ST3GAL3: variants seen among roughly 807,000 people sequenced by gnomAD.
The protein encoded by ST3GAL3 is CMP-N-acetylneuraminate-beta-1,4-galactoside alpha-2,3-sialyltransferase.
A neutral mutation model predicts 50.1 loss-of-function variants in ST3GAL3; 21 were observed. The observed-to-expected ratio is 0.42, with a 90% confidence interval of 0.30 to 0.60. The LOEUF (loss-of-function observed/expected upper bound fraction) is 0.60. Ranked by LOEUF, ST3GAL3 falls within the 20% of genes least tolerant of loss-of-function variation. ST3GAL3 has a pLI of 0.19. For synonymous variants in ST3GAL3, 183 were observed against 190.0 expected, an observed-to-expected ratio of 0.96 and a Z score of 0.30; for missense variants, 353 against 489.4, an observed-to-expected ratio of 0.72 and a Z score of 2.63.
At chr1:43,827,854 T>G (rs145392331) in intron 4 of ST3GAL3, among the ~76,000 whole-genome samples, 2 of 152,224 alleles carry the variant, frequency 1.3e-5, no homozygotes, top group African/African-American at 4.8e-5. Flanking sequence ...ATCTATAAAT[T>G]CAATGTAATC....
chr1:43,750,484 A>G (rs976989259), intron 2 of ST3GAL3, among the ~76,000 whole-genome samples: 6 of 148,562 alleles, frequency 4.0e-5, no homozygotes, highest in Admixed American at 4.0e-4. Context: ...GCTAGATTAG[A>G]TATTTAATTA....
intron 5 of ST3GAL3, among the ~76,000 whole-genome samples, chr1:43,888,034 A>T (rs761347329): frequency 6.6e-6 from 1 of 152,126 alleles, no homozygotes; most frequent in Non-Finnish European, 1.5e-5. Context: ...GCAATCAATG[A>T]TACAAGGAGG....
At chr1:43,883,981 C>A (rs984006151) in intron 5 of ST3GAL3, among the ~76,000 whole-genome samples, 1 of 152,178 alleles carries the variant, frequency 6.6e-6, no homozygotes, top group African/African-American at 2.4e-5. Context: ...ATATAGCATC[C>A]TATTCCAGAA....
In ST3GAL3 at chr1:43,894,366, G is replaced by A; in HGVS notation, c.303-17G>A. ...TGTTGCGTTTTTGTGATCCTCAGCA[G>A]TCCTGTTATATTCCAGGTTCTCCAA... On this transcript the variant is annotated splice_polypyrimidine_tract_variant and intron_variant, in intron 5 of 11. Transcript: ENST00000347631. 2 of 1,613,220 alleles carry A rather than the reference G, an allele frequency of 1.2e-6. No homozygotes were observed. Among genetic ancestry groups the A allele is most frequent in the Non-Finnish European group, 1.7e-6 (2 of 1,179,154 alleles).
chr1:43,789,833 C>A (rs2057820131), intron 2 of ST3GAL3, among the ~76,000 whole-genome samples: 1 of 151,216 alleles, frequency 6.6e-6, no homozygotes, highest in African/African-American at 2.4e-5. Flanking sequence ...ACAATTGCAC[C>A]ACTGCACTCC....
At chr1:43,871,859 G>GACTAACAAAGAGGA (rs1474926039) in intron 5 of ST3GAL3, among the ~76,000 whole-genome samples, 1 of 23,286 alleles carries the variant, frequency 4.3e-5, no homozygotes, top group Non-Finnish European at 9.1e-5. Flanking sequence ...AGAGGATGGG[G>GACTAACAAAGAGGA]TGGGAGGGAG....
chr1:43,804,878 T>A (rs1263067814), intron 3 of ST3GAL3, among the ~76,000 whole-genome samples: 1 of 152,136 alleles, frequency 6.6e-6, no homozygotes, highest in African/African-American at 2.4e-5. Flanking sequence ...CACTGCCCCC[T>A]CACTGCAAGG....
intron 1 of ST3GAL3, among the ~76,000 whole-genome samples, chr1:43,721,072 C>G (rs1267328057): frequency 6.6e-6 from 1 of 151,820 alleles, no homozygotes; most frequent in Non-Finnish European, 1.5e-5. Flanking sequence ...ATAATGAGAC[C>G]CTTGTCTCTA....
intron 5 of ST3GAL3, 154 bp from the exon 6 acceptor site, chr1:43,894,229 C>T: frequency 1.3e-6 from 1 of 755,662 alleles, no homozygotes; most frequent in Non-Finnish European, 2.4e-6. Context: ...AACCCCTCGA[C>T]AGCTACCCAG....
At chr1:43,824,888 C>T in intron 4 of ST3GAL3, 1 of 776,032 alleles carries the variant, frequency 1.3e-6, no homozygotes. Flanking sequence ...TTTAAAGCTG[C>T]CCAGGTGAGT....
chr1:43,802,981 A>G (rs1269200430), intron 3 of ST3GAL3, among the ~76,000 whole-genome samples: 1 of 151,992 alleles, frequency 6.6e-6, no homozygotes, highest in Non-Finnish European at 1.5e-5. Context: ...CGCCCAGTGC[A>G]ATGGCGCCAT....
intron 1 of ST3GAL3, chr1:43,708,269 T>C (rs918041633): frequency 6.6e-6 from 1 of 152,236 alleles, no homozygotes; most frequent in Non-Finnish European, 1.5e-5. Context: ...GAGTGTCCCA[T>C]GAACATTTTG....
At chr1:43,917,387 T>G (rs2154291704) in intron 9 of ST3GAL3, among the ~76,000 whole-genome samples, 1 of 134,864 alleles carries the variant, frequency 7.4e-6, no homozygotes, top group South Asian at 2.2e-4. Context: ...TCTTACTATT[T>G]GTGACAAAAT....
intron 5 of ST3GAL3, among the ~76,000 whole-genome samples, chr1:43,885,497 C>T (rs1484716032): frequency 2.0e-5 from 3 of 152,134 alleles, no homozygotes; most frequent in Non-Finnish European, 4.4e-5. Flanking sequence ...GCCCCACCCT[C>T]CCCTGCTACC....
chr1:43,914,200 A>C (rs1178958377), intron 9 of ST3GAL3: 1 of 152,228 alleles, frequency 6.6e-6, no homozygotes, highest in African/African-American at 2.4e-5. Context: ...ACAGACCAAG[A>C]GGGATTGTTT....
At chr1:43,850,290 C>T (rs1574216540) in intron 5 of ST3GAL3, 1 of 530,612 alleles carries the variant, frequency 1.9e-6, no homozygotes, top group South Asian at 1.5e-5. Flanking sequence ...CAGGGTGGGC[C>T]GGCTCCTTTA....
At chr1:43,809,333 T>C (rs573730067) in intron 3 of ST3GAL3, among the ~76,000 whole-genome samples, 1 of 152,184 alleles carries the variant, frequency 6.6e-6, no homozygotes, top group African/African-American at 2.4e-5. Flanking sequence ...ACTGGATGAA[T>C]AATCAGCAAA....
chr1:43,729,793 T>G (rs996437998), intron 1 of ST3GAL3, among the ~76,000 whole-genome samples: 2 of 152,274 alleles, frequency 1.3e-5, no homozygotes, highest in Non-Finnish European at 2.9e-5. Flanking sequence ...CAAATAGTGC[T>G]ACAATAAGTG....
chr1:43,800,054 G>A (rs182626368), intron 3 of ST3GAL3, among the ~76,000 whole-genome samples: 13 of 152,206 alleles, frequency 8.5e-5, no homozygotes, highest in Admixed American at 7.2e-4. Flanking sequence ...TGGGGCCAAG[G>A]ACATGTCATG....
Sources: allele counts gnomAD v4.1 joint callset (sites outside exome capture counted in the v4.1 genomes callset), GRCh38; gene constraint gnomAD v4.1.1; transcripts MANE v1.5; gene names NCBI Gene and HGNC (gene_info 2026-07-23, HGNC 2026-07-21).